TPRG1: variants seen among roughly 807,000 people sequenced by gnomAD.
TPRG1 encodes tumor protein p63-regulated gene 1 protein.
In TPRG1, 29 loss-of-function variants were observed where a neutral mutation model predicts 29.3. The observed-to-expected ratio is 0.99, with a 90% CI of 0.74 to 1.35. The LOEUF (loss-of-function observed/expected upper bound fraction) is 1.35, where lower values mean the gene tolerates loss of function less well. Ranked by LOEUF, TPRG1 falls within the 40% of genes most tolerant of loss-of-function variation. TPRG1 has a pLI of 0.00. For synonymous variants in TPRG1, 130 were observed against 116.8 expected, an observed-to-expected ratio of 1.11 and a Z score of -0.73; for missense variants, 327 against 335.0, an observed-to-expected ratio of 0.98 and a Z score of 0.19.
At chr3:189,093,758 C>G (rs1008209300) in intron 4 of TPRG1, among the ~76,000 whole-genome samples, 2 of 152,168 alleles carry the variant, frequency 1.3e-5, no homozygotes, top group African/African-American at 4.8e-5. Flanking sequence ...GAAGCTCACA[C>G]TCTTAAAATG....
intron 4 of TPRG1, among the ~76,000 whole-genome samples, chr3:189,032,222 T>C (rs990400054): frequency 1.4e-4 from 22 of 152,112 alleles, no homozygotes; most frequent in African/African-American, 5.1e-4. Flanking sequence ...AAAGAAAATG[T>C]GATGACTGAA....
chr3:189,263,704 G>A lies in TPRG1; in HGVS notation c.479+24795G>A, dbSNP rs150819620. Among the ~76,000 whole-genome samples the A allele has an allele frequency of 2.4e-3, 364 of 152,158 alleles. 1 individual carries two copies. Among genetic ancestry groups the A allele is most frequent in the African/African-American group, 8.2e-3 (340 of 41,518 alleles). On this transcript the variant is annotated intron_variant, in intron 4 of 5. Transcript: ENST00000345063. ...TACTTATTGTGTAATGAGATAATAC[G>A]CATAAATCACCTGGGGTTTCTTGGG...
At chr3:189,196,559 C>G (rs1732561447) in intron 1 of TPRG1, among the ~76,000 whole-genome samples, 1 of 152,014 alleles carries the variant, frequency 6.6e-6, no homozygotes, top group African/African-American at 2.4e-5. Context: ...CTTTATAAAT[C>G]CATCAGATCT....
At chr3:189,019,364 G>A (rs1713154415) in intron 3 of TPRG1, among the ~76,000 whole-genome samples, 2 of 152,258 alleles carry the variant, frequency 1.3e-5, no homozygotes, top group East Asian at 1.9e-4. Flanking sequence ...TATTGGCCGT[G>A]GGTTTGTCGT....
chr3:189,224,931 CTTTTT>C (rs139957231), intron 3 of TPRG1, among the ~76,000 whole-genome samples: 3 of 126,978 alleles, frequency 2.4e-5, no homozygotes, highest in Admixed American at 8.2e-5. Flanking sequence ...CTTCCTTTTT[CTTTTT>C]TTTTTTTTTT....
At chr3:189,053,514 A>G (rs182276626) in intron 4 of TPRG1, among the ~76,000 whole-genome samples, 234 of 152,244 alleles carry the variant, frequency 1.5e-3, no homozygotes, top group African/African-American at 5.4e-3. Flanking sequence ...CAGACCCCGC[A>G]CCCACCATGA....
At chr3:189,257,770 G>A (rs1363694128) in intron 4 of TPRG1, among the ~76,000 whole-genome samples, 2 of 151,938 alleles carry the variant, frequency 1.3e-5, no homozygotes, top group Non-Finnish European at 2.9e-5. Flanking sequence ...TTCAATCTCT[G>A]ATATCCTTTC....
intron 1 of TPRG1, among the ~76,000 whole-genome samples, chr3:189,104,511 G>C (rs1277072965): frequency 6.6e-6 from 1 of 151,920 alleles, no homozygotes; most frequent in African/African-American, 2.4e-5. Flanking sequence ...ATTAGCCCAG[G>C]ACTCTCACTT....
At chr3:189,143,948 C>A (rs1016481580) in intron 3 of TPRG1, among the ~76,000 whole-genome samples, 1 of 152,142 alleles carries the variant, frequency 6.6e-6, no homozygotes, top group Non-Finnish European at 1.5e-5. Flanking sequence ...CCCCCAGACA[C>A]TTTGCTTTCC....
chr3:189,270,060 T>TC (rs199807957), intron 4 of TPRG1, among the ~76,000 whole-genome samples: 357 of 140,338 alleles, frequency 2.5e-3, no homozygotes, highest in African/African-American at 9.5e-3. Context: ...TTCTTCTTCT[T>TC]TTTTGTCTGT....
At chr3:189,127,100 T>A (rs1315244061) in exon 2 of TPRG1, 2 of 152,200 alleles carry the variant, frequency 1.3e-5, no homozygotes, top group Non-Finnish European at 2.9e-5. Flanking sequence ...ACCCAGAGAT[T>A]TCATGCTGTT....
At chr3:189,074,404 A>G (rs56704938) in intron 4 of TPRG1, among the ~76,000 whole-genome samples, 4,673 of 151,244 alleles carry the variant, frequency 0.031, 237 homozygotes, top group African/African-American at 0.11. Flanking sequence ...ATGGGGTTTC[A>G]CCGTGTTAGC....
intron 4 of TPRG1, among the ~76,000 whole-genome samples, chr3:189,249,818 C>G (rs2108993850): frequency 6.6e-6 from 1 of 152,116 alleles, no homozygotes; most frequent in South Asian, 2.1e-4. Flanking sequence ...AAGAACATCC[C>G]AGTTCCTTCA....
In TPRG1 at chr3:189,299,073, G is replaced by T. The variant is rs546011999; in HGVS notation, c.480-11313G>T. On this transcript the variant is annotated intron_variant, in intron 4 of 5. Transcript: ENST00000345063. Reference sequence around the variant, plus strand: ...AAAAATGGGTTTTTTTTTTTTCTGAGAATTTTTTTTTTTTTACTTAGTTAT... The same window carrying T: ...AAAAATGGGTTTTTTTTTTTTCTGATAATTTTTTTTTTTTTACTTAGTTAT... Among the ~76,000 whole-genome samples, 4 of 148,902 alleles carry T rather than the reference G, an allele frequency of 2.7e-5. No homozygotes were observed. In the East Asian group the frequency reaches 5.9e-4, roughly 22 times the overall value.
chr3:189,208,410 G>A (rs532451705), intron 2 of TPRG1, among the ~76,000 whole-genome samples: 1 of 152,180 alleles, frequency 6.6e-6, no homozygotes, highest in Admixed American at 6.5e-5. Context: ...TGTGTACGTG[G>A]GAGATCTTTT....
intron 4 of TPRG1, among the ~76,000 whole-genome samples, chr3:189,271,521 G>T (rs903195924): frequency 2.6e-5 from 4 of 152,220 alleles, no homozygotes; most frequent in Non-Finnish European, 5.9e-5. Flanking sequence ...CTTGATAAAT[G>T]TGCCATAGCA....
intron 2 of TPRG1, among the ~76,000 whole-genome samples, chr3:189,129,984 A>G (rs1722924291): frequency 6.6e-6 from 1 of 152,228 alleles, no homozygotes; most frequent in South Asian, 2.1e-4. Flanking sequence ...GGTACTCTTC[A>G]TAAGAGGGAT....
intron 4 of TPRG1, among the ~76,000 whole-genome samples, chr3:189,055,655 C>CA (rs1279591367): frequency 1.3e-5 from 2 of 152,134 alleles, no homozygotes; most frequent in Non-Finnish European, 1.5e-5. Context: ...TGTAGGCAAA[C>CA]AGTTTCTGGC....
intron 3 of TPRG1, among the ~76,000 whole-genome samples, chr3:189,224,307 C>A (rs1737369062): frequency 6.6e-6 from 1 of 152,138 alleles, no homozygotes; most frequent in Admixed American, 6.5e-5. Context: ...ATGGTGAAAC[C>A]CTGCCCCTAC....
Sources: gnomAD v4.1 joint callset for allele counts (sites outside exome capture counted in the v4.1 genomes callset) on GRCh38, gnomAD v4.1.1 for gene constraint, MANE v1.5 for transcripts, NCBI Gene and HGNC (gene_info 2026-07-23, HGNC 2026-07-21) for gene names.